The following ADGRE1 variants were observed in gnomAD, a reference collection of about 807,000 sequenced individuals.
The protein encoded by ADGRE1 is adhesion G protein-coupled receptor E1.
A neutral mutation model predicts 102.7 loss-of-function variants in ADGRE1; 82 were observed. The observed-to-expected ratio is 0.80, with a 90% CI of 0.67 to 0.96. ADGRE1 has a LOEUF of 0.96. Ranked by LOEUF, ADGRE1 falls within the 40% of genes least tolerant of loss-of-function variation. The pLI is 0.00. For synonymous variants in ADGRE1, 398 were observed against 399.6 expected (o/e 1.00, Z 0.05); for missense variants, 1,032 against 1,085.3 (o/e 0.95, Z 0.69).
chr19:6,892,838 G>A (rs578262655), intron 2 of ADGRE1, among the ~76,000 whole-genome samples: 2 of 152,344 alleles, frequency 1.3e-5, no homozygotes, highest in African/African-American at 4.8e-5. Context: ...AGGTCATTAA[G>A]TGAAACAAAC....
Position 6,897,102 on chromosome 19 carries a change from T to A in ADGRE1, c.239-47T>A, listed in dbSNP as rs372242152. ...TTTTTTTTTTTTTTGCAAAATACAG[T>A]CTTCTATCTAGTATAAGTAAATTTG... On this transcript the variant is annotated intron_variant, in intron 3 of 20. Coordinates refer to ENST00000312053, the MANE Select transcript of ADGRE1 (RefSeq NM_001974.5). 1.7e-5 allele frequency: 19 copies of A among 1,123,762 alleles called. No individual in the cohort carries two copies. In the African/African-American group the frequency reaches 3.3e-4, roughly 19 times the overall value. The allele number at this position is 1,123,762 out of a possible 1,614,324, so 69.6% of individuals were successfully genotyped here. A position where few individuals can be genotyped will look rare whatever the true frequency, so the allele number is the denominator to read the frequency against.
chr19:6,920,368 C>T (rs750167688), intron 13 of ADGRE1, among the ~76,000 whole-genome samples: 5 of 151,510 alleles, frequency 3.3e-5, no homozygotes, highest in African/African-American at 9.7e-5. Context: ...TACAGGCGCC[C>T]GCCACCATGA....
intron 18 of ADGRE1, among the ~76,000 whole-genome samples, chr19:6,936,878 C>G (rs1975432293): frequency 6.6e-6 from 1 of 152,160 alleles, no homozygotes. Flanking sequence ...CAGCCTTGGC[C>G]TCCCAAAGTG....
chr19:6,898,754 G>A, intron 5 of ADGRE1: 1 of 605,922 alleles, frequency 1.7e-6, no homozygotes, highest in Non-Finnish European at 2.8e-6. Flanking sequence ...AAGACCATAT[G>A]AGAAAGGGAT....
At chr19:6,901,749 C>A in intron 5 of ADGRE1, 126 bp from the exon 6 acceptor site, 1 of 968,356 alleles carries the variant, frequency 1.0e-6, no homozygotes, top group Non-Finnish European at 1.6e-6. Context: ...AAGGGGGGAA[C>A]ATGGATATTG....
intron 15 of ADGRE1, 95 bp from the exon 16 acceptor site, chr19:6,926,271 G>A (rs890878334): frequency 2.3e-5 from 31 of 1,341,814 alleles, no homozygotes; most frequent in Non-Finnish European, 2.5e-5. Context: ...AGCTAGGTTT[G>A]GGGAATTTCC....
intron 13 of ADGRE1, among the ~76,000 whole-genome samples, chr19:6,920,794 G>A (rs1404516891): frequency 1.3e-5 from 2 of 152,046 alleles, no homozygotes; most frequent in Admixed American, 1.3e-4. Flanking sequence ...ACAGGCATGA[G>A]CCACCGTGCC....
At chr19:6,898,278 T>C (rs2144897375) in intron 5 of ADGRE1, 7 of 1,587,634 alleles carry the variant, frequency 4.4e-6, no homozygotes, top group African/African-American at 1.3e-5. Flanking sequence ...CTAGTATAAG[T>C]GAATTTGTAA....
At chr19:6,895,301 C>G (rs1301788944) in intron 2 of ADGRE1, 1 of 152,250 alleles carries the variant, frequency 6.6e-6, no homozygotes, top group Admixed American at 6.5e-5. Flanking sequence ...AGATTTTCAC[C>G]AGGTGGCCAC....
Position 6,937,608 on chromosome 19 carries a change from C to T in ADGRE1, c.2615C>T (p.Ser872Leu), listed in dbSNP as rs755020705. Reference protein sequence around the residue: ...KTKPSSQSQTSRILLSSMPSA... With the variant: ...KTKPSSQSQTLRILLSSMPSA... Reference sequence around the variant, plus strand: ...AAGCCCAGCTCCCAGTCCCAGACCTCAAGGATCTTGCTGTCCTCCATGCCA... The same window carrying T: ...AAGCCCAGCTCCCAGTCCCAGACCTTAAGGATCTTGCTGTCCTCCATGCCA... The change falls in exon 20 of 21, where the codon TCA becomes TTA. Residue 872 changes from serine to leucine, a missense_variant. Ser to Leu is a moderately radical substitution (Grantham distance 145). Coordinates refer to ENST00000312053, the MANE Select transcript of ADGRE1 (RefSeq NM_001974.5). 3.7e-6 allele frequency: 6 copies of T among 1,614,116 alleles called. No individual in the cohort carries two copies. Among genetic ancestry groups the T allele is most frequent in the Non-Finnish European group, 5.1e-6 (6 of 1,180,012 alleles).
rs776906945 is a variant in ADGRE1 at position 6,924,814 on chromosome 19, T to C, written c.1928T>C (p.Val643Ala). ...ACCTACCTCCACCTGCACCTCTGCG[T>C]GTGTCTCCTCTTGGCGAAGACTCTC... is the stretch of plus-strand genomic sequence containing the variant. ...HNTYLHLHLC[V>A]CLLLAKTLFL... The change falls in exon 15 of 21, where the codon GTG becomes GCG. Residue 643 changes from valine (V) to alanine (A), a missense_variant. Transcript: ENST00000312053. The C allele has an allele frequency of 2.4e-5, 38 of 1,614,050 alleles. No homozygotes were observed. The highest frequency in any genetic ancestry group is 3.1e-5 in the Non-Finnish European group (36 of 1,180,036).
intron 17 of ADGRE1, among the ~76,000 whole-genome samples, chr19:6,933,650 G>T (rs1277157852): frequency 6.6e-6 from 1 of 152,138 alleles, no homozygotes; most frequent in African/African-American, 2.4e-5. Context: ...GCCTCCCAAT[G>T]TGCTGGGATT....
At chr19:6,913,873 T>G in intron 11 of ADGRE1, 43 bp downstream of exon 11, 1 of 1,470,006 alleles carries the variant, frequency 6.8e-7, no homozygotes, top group Non-Finnish European at 9.1e-7. Flanking sequence ...TAGGGGATGA[T>G]TTTGAAAGTT....
At position 6,936,176 on chromosome 19, in the gene ADGRE1, C is replaced by G. The variant is rs188845523; in HGVS notation, c.2382-1067C>G. Among the ~76,000 whole-genome samples, 730 of 152,288 alleles carry G rather than the reference C, an allele frequency of 4.8e-3. 8 individuals carry two copies. Among genetic ancestry groups the G allele is most frequent in the African/African-American group, 0.015 (640 of 41,544 alleles). ...AGGAGGCCTGGTGTGGTGGCTCATG[C>G]CTGTATTCCCAGCAGTTTGGGAGGC... On this transcript the variant is annotated intron_variant, in intron 18 of 20. Transcript: ENST00000312053.
At chr19:6,923,226 T>C (rs10417801) in intron 14 of ADGRE1, among the ~76,000 whole-genome samples, 83,257 of 152,072 alleles carry the variant, frequency 0.55, 25,570 homozygotes, top group African/African-American at 0.83. Flanking sequence ...GTTTCAAGTC[T>C]TGTCTCTACC....
chr19:6,897,082 T>TC, intron 3 of ADGRE1, 67 bp from the exon 4 acceptor site: 1 of 1,256,158 alleles, frequency 8.0e-7, no homozygotes, highest in Non-Finnish European at 1.1e-6. Context: ...TTTTTTTTTT[T>TC]TTTTTTTTGC....
At position 6,906,491 on chromosome 19, in the gene ADGRE1, C is replaced by A. The variant is rs767485368; in HGVS notation, c.1008C>A (p.Cys336Ter). The A allele has an allele frequency of 6.2e-7, 1 of 1,613,558 alleles. No homozygotes were observed. Among genetic ancestry groups the A allele is most frequent in the Non-Finnish European group, 8.5e-7 (1 of 1,179,650 alleles). Residue 336 changes from cysteine (C) to a stop codon, truncating the protein, a stop_gained, in exon 9 of 21, where the codon TGC (cysteine) becomes TGA (stop). Coordinates refer to ENST00000312053, the MANE Select transcript of ADGRE1 (RefSeq NM_001974.5). LOFTEE classifies it high-confidence loss of function. ...VIPDNKQIQQ[C>*]QEGTAVKPAY... ...CCGATAATAAGCAGATCCAGCAATG[C>A]CAAGAGGGAACCGCAGTGAAACCTG... is the stretch of plus-strand genomic sequence containing the variant.
At chr19:6,909,133 C>CAAAA (rs35098506) in intron 10 of ADGRE1, among the ~76,000 whole-genome samples, 1 of 114,190 alleles carries the variant, frequency 8.8e-6, no homozygotes. Flanking sequence ...GACTCCATCT[C>CAAAA]AAAAAAAAAA....
chr19:6,901,828 T>G, intron 5 of ADGRE1, 47 bp from the exon 6 acceptor site: 1 of 1,605,932 alleles, frequency 6.2e-7, no homozygotes, highest in Non-Finnish European at 8.5e-7. Context: ...TCTCTACTCC[T>G]TGCTTTCTCA....
Sources: allele counts gnomAD v4.1 joint callset (sites outside exome capture counted in the v4.1 genomes callset), GRCh38; gene constraint gnomAD v4.1.1; transcripts MANE v1.5; gene names NCBI Gene and HGNC (gene_info 2026-07-23, HGNC 2026-07-21).